The following REPS2 variants were observed in gnomAD, a reference collection of about 807,000 sequenced individuals.
REPS2 encodes ralBP1-associated Eps domain-containing protein 2.
In REPS2, 23 loss-of-function variants were observed where a neutral mutation model predicts 53.6. That is an observed-to-expected ratio of 0.43 (90% CI 0.31 to 0.61). REPS2 has a LOEUF of 0.61. REPS2 is among the 20% of genes least tolerant of loss of function. The pLI, the probability that REPS2 is intolerant of heterozygous loss-of-function variation, is 0.11. For synonymous variants in REPS2, 238 were observed against 218.6 expected, an observed-to-expected ratio of 1.09 and a Z score of -0.78; for missense variants, 446 against 534.9, an observed-to-expected ratio of 0.83 and a Z score of 1.64.
intron 13 of REPS2, among the ~76,000 whole-genome samples, chrX:17,079,674 T>C (rs2062429622): frequency 8.9e-6 from 1 of 112,114 alleles, no homozygotes; most frequent in African/African-American, 3.2e-5. Context: ...AGACAAATAA[T>C]AGCTAGGTGG....
chrX:17,080,362 T>C (rs1237890727), intron 13 of REPS2, among the ~76,000 whole-genome samples: 1 of 108,427 alleles, frequency 9.2e-6, no homozygotes, highest in Non-Finnish European at 1.9e-5. Flanking sequence ...TGTTTCTCTT[T>C]TTGTCCTTCT....
intron 2 of REPS2, among the ~76,000 whole-genome samples, chrX:17,020,119 T>A (rs1351100503): frequency 9.0e-6 from 1 of 111,286 alleles, no homozygotes; most frequent in Admixed American, 9.6e-5. Flanking sequence ...ATAGACAGGG[T>A]GGAAGAATGT....
chrX:17,129,230 G>A (rs1322809519), intron 14 of REPS2, among the ~76,000 whole-genome samples: 1 of 112,183 alleles, frequency 8.9e-6, no homozygotes, highest in Non-Finnish European at 1.9e-5. Flanking sequence ...TCAAGAAATA[G>A]CAAAGAAACC....
At chrX:17,059,920 AAGTCTCCTTTTGATAGTTTCATCAAG>A (rs1358970606) in intron 8 of REPS2, among the ~76,000 whole-genome samples, 4 of 37,136 alleles carry the variant, frequency 1.1e-4, no homozygotes, top group African/African-American at 6.7e-4. Flanking sequence ...GTTTCATCAA[AAGTCTCCTTTTGATAGTTTCATCAAG>A]AGTCTCCTTT....
intron 14 of REPS2, among the ~76,000 whole-genome samples, chrX:17,126,996 C>T: frequency 8.9e-6 from 1 of 112,137 alleles, no homozygotes; most frequent in Non-Finnish European, 1.9e-5. Flanking sequence ...AAATCTGCCT[C>T]ATTTTATTCT....
rs1286428371 is a variant in REPS2, at chrX:16,946,885, G to GGCGGCGGCAGCGGCA, written c.30_44dup (p.Ala13_Ala17dup). 3 of 768,890 alleles carry GGCGGCGGCAGCGGCA rather than the reference G, an allele frequency of 3.9e-6. No homozygotes were observed. The highest frequency in any genetic ancestry group is 4.6e-6 in the Non-Finnish European group (3 of 653,167). 63.4% of individuals were successfully genotyped at this position (768,890 alleles called of 1,213,427 possible). A position where few individuals can be genotyped will look rare whatever the true frequency, so the allele number is the denominator to read the frequency against. On this transcript the variant is annotated inframe_insertion, in exon 1 of 18. Coordinates refer to ENST00000357277, the MANE Select transcript of REPS2 (RefSeq NM_004726.3). ...CCATGGAGGCGGCAGCGGCGGCGGC[G>GGCGGCGGCAGCGGCA]GCGGCGGCAGCGGCAGCGGCAGCGG...
chrX:17,095,994 T>C (rs182630486), intron 13 of REPS2, among the ~76,000 whole-genome samples: 43 of 112,241 alleles, frequency 3.8e-4, no homozygotes, highest in Non-Finnish European at 5.6e-4. Flanking sequence ...TTCATTTTTG[T>C]GTTAATGAGT....
At chrX:16,996,588 C>T (rs376986633) in intron 1 of REPS2, among the ~76,000 whole-genome samples, 33 of 112,050 alleles carry the variant, frequency 2.9e-4, no homozygotes, top group African/African-American at 9.7e-4. Flanking sequence ...GGGAGCTCTA[C>T]AAAGAAACCA....
chrX:17,025,311 T>C (rs2061630369), intron 4 of REPS2, 126 bp downstream of exon 4: 1 of 727,938 alleles, frequency 1.4e-6, no homozygotes, highest in Non-Finnish European at 1.9e-6. Flanking sequence ...GAAACATGGC[T>C]CAATTTAATT....
chrX:17,178,303 G>T, the REPS2 span, among the ~76,000 whole-genome samples: 1 of 112,202 alleles, frequency 8.9e-6, no homozygotes, highest in Non-Finnish European at 1.9e-5. Context: ...GAGCTTTTCT[G>T]CCCAGCTAAT....
rs144254631 is a variant in REPS2, at chrX:16,983,724, T to C, written c.274-22497T>C. ...TCGCTATGTTGGCCAGGCTGGTCTC[T>C]TAACTTTTGGCCTCCTGTGATCCCC... On this transcript the variant is annotated intron_variant, in intron 1 of 17. Coordinates refer to ENST00000357277, the MANE Select transcript of REPS2 (RefSeq NM_004726.3). Among the ~76,000 whole-genome samples the C allele has an allele frequency of 8.0e-3, 898 of 112,759 alleles. 12 individuals carry two copies. Among genetic ancestry groups the C allele is most frequent in the African/African-American group, 0.028 (870 of 31,044 alleles).
At chrX:17,132,867 C>G (rs1006030618) in intron 14 of REPS2, among the ~76,000 whole-genome samples, 2 of 112,393 alleles carry the variant, frequency 1.8e-5, no homozygotes, top group Non-Finnish European at 3.8e-5. Flanking sequence ...GACATATACC[C>G]CTTCTCCATA....
chrX:17,106,740 A>C (rs972381719), intron 14 of REPS2, among the ~76,000 whole-genome samples: 1 of 111,673 alleles, frequency 9.0e-6, no homozygotes, highest in Non-Finnish European at 1.9e-5. Context: ...AGATTCAATG[A>C]TATTCCCATC....
intron 5 of REPS2, among the ~76,000 whole-genome samples, chrX:17,045,757 G>GTA (rs1489645879): frequency 8.2e-5 from 9 of 110,194 alleles, no homozygotes; most frequent in African/African-American, 2.3e-4. Flanking sequence ...TCTACAGTTA[G>GTA]TATTTCATCT....
chrX:17,166,345 C>T, the REPS2 span, among the ~76,000 whole-genome samples: 3,102 of 111,754 alleles, frequency 0.028, 103 homozygotes, highest in African/African-American at 0.095. Flanking sequence ...GTGGGCTACT[C>T]CCCAAGAAGT....
At chrX:16,997,951 G>A (rs766849719) in intron 1 of REPS2, among the ~76,000 whole-genome samples, 22 of 111,816 alleles carry the variant, frequency 2.0e-4, no homozygotes, top group African/African-American at 6.2e-4. Flanking sequence ...GCCAAGGTGG[G>A]AGGATAGTAA....
chrX:16,980,146 AC>A (rs1456242307), intron 1 of REPS2, among the ~76,000 whole-genome samples: 1 of 96,286 alleles, frequency 1.0e-5, no homozygotes, highest in Non-Finnish European at 2.1e-5. Flanking sequence ...TTTCTCTGTT[AC>A]CCCCAGGCTG....
chrX:16,963,826 A>G (rs2060696859), intron 1 of REPS2, among the ~76,000 whole-genome samples: 1 of 111,134 alleles, frequency 9.0e-6, no homozygotes, highest in Admixed American at 9.6e-5. Context: ...GGTCAGGTGG[A>G]AGAGATGAGC....
At chrX:16,969,309 C>T (rs2060842158) in intron 1 of REPS2, among the ~76,000 whole-genome samples, 1 of 111,816 alleles carries the variant, frequency 8.9e-6, no homozygotes, top group African/African-American at 3.3e-5. Context: ...ACACTCCTCA[C>T]TTTCCAGACG....
Sources: gnomAD v4.1 joint callset for allele counts (sites outside exome capture counted in the v4.1 genomes callset) on GRCh38, gnomAD v4.1.1 for gene constraint, MANE v1.5 for transcripts, NCBI Gene and HGNC (gene_info 2026-07-23, HGNC 2026-07-21) for gene names.